FCHO2: variants seen among roughly 807,000 people sequenced by gnomAD.
FCHO2 encodes FCH and mu domain containing endocytic adaptor 2, also known as F-BAR domain only protein 2.
FCHO2 carries 43 observed loss-of-function variants against 114.1 expected under a neutral mutation model. That is an observed-to-expected ratio of 0.38 (90% confidence interval 0.30 to 0.49). FCHO2 has a LOEUF of 0.49. FCHO2 is among the 20% of genes least tolerant of loss of function. FCHO2 has a pLI of 0.97. For synonymous variants in FCHO2, 293 were observed against 315.2 expected, an observed-to-expected ratio of 0.93 and a Z score of 0.75; for missense variants, 807 against 950.4, an observed-to-expected ratio of 0.85 and a Z score of 1.98.
chr5:73,043,803 T>A (rs1226474378), intron 11 of FCHO2, among the ~76,000 whole-genome samples: 1 of 152,228 alleles, frequency 6.6e-6, no homozygotes, highest in African/African-American at 2.4e-5. Context: ...ACTTTACTTG[T>A]GGATACCTTT....
At chr5:72,976,340 A>G (rs1174189874) in intron 2 of FCHO2, among the ~76,000 whole-genome samples, 1 of 151,960 alleles carries the variant, frequency 6.6e-6, no homozygotes, top group African/African-American at 2.4e-5. Flanking sequence ...CAGCCTTGCA[A>G]AGTGCTGAGA....
At chr5:72,967,041 A>G (rs947134277) in intron 1 of FCHO2, among the ~76,000 whole-genome samples, 4 of 152,166 alleles carry the variant, frequency 2.6e-5, no homozygotes, top group African/African-American at 7.2e-5. Flanking sequence ...ATCCCAGCAC[A>G]TTGGGAAGCC....
chr5:73,010,754 A>C (rs1421142862), intron 6 of FCHO2, among the ~76,000 whole-genome samples: 1 of 151,790 alleles, frequency 6.6e-6, no homozygotes. Flanking sequence ...GTGCACGCCT[A>C]TAATCCCAGT....
chr5:73,028,523 G>T (rs1391597695), intron 8 of FCHO2, among the ~76,000 whole-genome samples: 1 of 151,956 alleles, frequency 6.6e-6, no homozygotes, highest in East Asian at 1.9e-4. Flanking sequence ...TCCATGCAGT[G>T]AAGTACTACT....
chr5:73,003,161 T>C (rs1754536096), intron 5 of FCHO2, among the ~76,000 whole-genome samples: 1 of 151,972 alleles, frequency 6.6e-6, no homozygotes, highest in Non-Finnish European at 1.5e-5. Flanking sequence ...TGTGTCACTG[T>C]GCCTGGATAA....
intron 19 of FCHO2, among the ~76,000 whole-genome samples, chr5:73,070,381 A>T (rs932668728): frequency 1.3e-5 from 2 of 149,000 alleles, no homozygotes; most frequent in Non-Finnish European, 3.0e-5. Flanking sequence ...CCCATCTTTT[A>T]ATTTTATATA....
At chr5:73,045,015 G>C (rs1345446871) in intron 11 of FCHO2, among the ~76,000 whole-genome samples, 3 of 152,174 alleles carry the variant, frequency 2.0e-5, no homozygotes, top group Non-Finnish European at 4.4e-5. Flanking sequence ...TAAAAAGATA[G>C]TACACTGAGA....
chr5:73,084,106 A>G (rs182831667), intron 24 of FCHO2, among the ~76,000 whole-genome samples: 6 of 152,118 alleles, frequency 3.9e-5, no homozygotes, highest in Admixed American at 3.9e-4. Context: ...CACTTCTATA[A>G]CTCAACTTAC....
rs977612746 is a variant in FCHO2, at chr5:73,006,345, C to T, written c.496-100C>T. On this transcript the variant is annotated intron_variant, in intron 5 of 25. Transcript: ENST00000430046. ...AAAGTTAGTTATATGTCATATTGAA[C>T]TCTTAAAATGTATTTTAATTTGTTA... The T allele has an allele frequency of 1.5e-5, 10 of 673,806 alleles. No homozygotes were observed. In the African/African-American group the frequency reaches 1.9e-4, roughly 13 times the overall value. 41.7% of individuals were successfully genotyped at this position (673,806 alleles called of 1,614,324 possible). A position where few individuals can be genotyped will look rare whatever the true frequency, so the allele number is the denominator to read the frequency against.
chr5:72,972,540 T>C (rs1217399737), intron 2 of FCHO2, among the ~76,000 whole-genome samples: 2 of 152,052 alleles, frequency 1.3e-5, no homozygotes, highest in Admixed American at 1.3e-4. Flanking sequence ...GTGATTTTTG[T>C]ACATTGATTT....
chr5:73,065,052 T>C (rs1388573638), intron 18 of FCHO2, among the ~76,000 whole-genome samples: 1 of 151,976 alleles, frequency 6.6e-6, no homozygotes, highest in Non-Finnish European at 1.5e-5. Context: ...TGTTGGGTGG[T>C]ACACAGTTAT....
intron 8 of FCHO2, among the ~76,000 whole-genome samples, chr5:73,033,997 G>A (rs976318628): frequency 2.6e-5 from 4 of 152,098 alleles, no homozygotes; most frequent in African/African-American, 9.7e-5. Context: ...GGGTGGATGT[G>A]TATGATCTTA....
chr5:73,032,669 A>G (rs932351500), intron 8 of FCHO2, among the ~76,000 whole-genome samples: 9 of 152,298 alleles, frequency 5.9e-5, no homozygotes, highest in South Asian at 2.1e-4. Context: ...TAAACAAGGC[A>G]ATTTGGCATT....
rs567070460 is a variant in FCHO2, at chr5:72,999,800, G to A, written c.496-6645G>A. 5.9e-5 allele frequency among the ~76,000 whole-genome samples: 9 copies of A among 152,120 alleles called. No individual in the cohort carries two copies. In the South Asian group the frequency reaches 1.9e-3, roughly 32 times the overall value. On this transcript the variant is annotated intron_variant, in intron 5 of 25. Coordinates refer to ENST00000430046, the MANE Select transcript of FCHO2 (RefSeq NM_138782.3). Reference sequence around the variant, plus strand: ...ATGGATTGTACTATAAAAGTCATAGGCACTTAAAATGTTTTTGGTAGTATA... The same window carrying A: ...ATGGATTGTACTATAAAAGTCATAGACACTTAAAATGTTTTTGGTAGTATA...
In FCHO2 at chr5:72,989,603, AT is replaced by A. The variant is rs1753717395; in HGVS notation, c.200+103del. On this transcript the variant is annotated intron_variant, in intron 3 of 25. Transcript: ENST00000430046. ...TAACAGTTCAAAAGCATAGTAAAATATATGCTTATTTAAAAGTATCTGTAAA... is the reference window on the plus strand; with the variant it reads ...TAACAGTTCAAAAGCATAGTAAAATAATGCTTATTTAAAAGTATCTGTAAA... The A allele has an allele frequency of 5.5e-6, 4 of 729,418 alleles. No individual in the cohort carries two copies. In the South Asian group the frequency reaches 9.1e-5, roughly 17 times the overall value. The allele number at this position is 729,418 out of a possible 1,614,324, so 45.2% of individuals were successfully genotyped here. A position where few individuals can be genotyped will look rare whatever the true frequency, so the allele number is the denominator to read the frequency against.
rs1743414956 is a variant in FCHO2, at chr5:73,089,443, C to G, written c.*1353C>G. 6.6e-6 allele frequency: 1 copy of G among 151,998 alleles called. No homozygotes were observed. Among genetic ancestry groups the G allele is most frequent in the African/African-American group, 2.4e-5 (1 of 41,422 alleles). The allele number at this position is 151,998 out of a possible 1,614,324, so 9.4% of individuals were successfully genotyped here. On this transcript the variant is annotated 3_prime_UTR_variant, in exon 26 of 26. Coordinates refer to ENST00000430046, the MANE Select transcript of FCHO2 (RefSeq NM_138782.3). ...TTTGTACATTTTAATTATTCAATTT[C>G]TACTTTGTAAAAATAGGGAAATTAT...
chr5:73,041,414 A>G, intron 11 of FCHO2, 99 bp downstream of exon 11: 1 of 667,048 alleles, frequency 1.5e-6, no homozygotes, highest in South Asian at 2.0e-5. Context: ...TCTTTCAAAG[A>G]AAAATACCAT....
chr5:72,983,395 T>G (rs1753335805), intron 2 of FCHO2, among the ~76,000 whole-genome samples: 2 of 151,902 alleles, frequency 1.3e-5, no homozygotes, highest in South Asian at 4.2e-4. Flanking sequence ...TTTATTTATT[T>G]TTTTTGAGAC....
Position 72,989,553 on chromosome 5 carries a change from G to A in FCHO2, c.200+52G>A, listed in dbSNP as rs189995922. The A allele has an allele frequency of 4.8e-6, 7 of 1,451,090 alleles. No homozygotes were observed. The East Asian group carries it at 1.4e-4, about 30-fold the overall frequency. The allele number at this position is 1,451,090 out of a possible 1,614,324, so 89.9% of individuals were successfully genotyped here. A position where few individuals can be genotyped will look rare whatever the true frequency, so the allele number is the denominator to read the frequency against. On this transcript the variant is annotated intron_variant, in intron 3 of 25. Transcript: ENST00000430046. ...GTGTTTATTTAGGCAAAGTTCTTAA[G>A]GATTCTAGGTTCCTTTTGAGGACAT... is the stretch of plus-strand genomic sequence containing the variant.
Sources: allele counts gnomAD v4.1 joint callset (sites outside exome capture counted in the v4.1 genomes callset), GRCh38; gene constraint gnomAD v4.1.1; transcripts MANE v1.5; gene names NCBI Gene and HGNC (gene_info 2026-07-23, HGNC 2026-07-21).